CXADR: variants seen among roughly 807,000 people sequenced by gnomAD.
CXADR encodes CXADR cell adhesion molecule.
Under a neutral mutation model 40.3 loss-of-function variants are expected in CXADR, and 20 were observed. That is an observed-to-expected ratio of 0.50 (90% CI 0.35 to 0.72). CXADR has a LOEUF of 0.72. Among genes scored for constraint, CXADR ranks in the 30% least tolerant of loss-of-function variants. The pLI is 0.01. For missense variants in CXADR, 332 were observed against 449.1 expected, an observed-to-expected ratio of 0.74 and a Z score of 2.36; for synonymous variants, 150 against 161.3, an observed-to-expected ratio of 0.93 and a Z score of 0.53.
At chr21:17,518,859 C>CA in intron 1 of CXADR, 1 of 1,561,154 alleles carries the variant, frequency 6.4e-7, no homozygotes, top group Non-Finnish European at 8.8e-7. Context: ...TATTCACAGC[C>CA]AGTTTTTTTA....
intron 7 of CXADR, among the ~76,000 whole-genome samples, chr21:17,587,649 T>C (rs1474437772): frequency 1.3e-5 from 2 of 152,168 alleles, no homozygotes; most frequent in Non-Finnish European, 2.9e-5. Flanking sequence ...CTTTGTCAGG[T>C]GAGTAGGTTG....
chr21:17,595,293 A>C (rs2061490110), downstream of CXADR, among the ~76,000 whole-genome samples: 2 of 152,194 alleles, frequency 1.3e-5, no homozygotes, highest in Admixed American at 1.3e-4. Flanking sequence ...TGCATTTCTA[A>C]GTATAGGATT....
chr21:17,588,440 G>A (rs1373773313), intron 7 of CXADR, among the ~76,000 whole-genome samples: 1 of 152,096 alleles, frequency 6.6e-6, no homozygotes, highest in Non-Finnish European at 1.5e-5. Flanking sequence ...TCCTTGAAGA[G>A]GTCCTTCACA....
chr21:17,608,202 C>CA, the CXADR span, among the ~76,000 whole-genome samples: 22 of 151,308 alleles, frequency 1.5e-4, no homozygotes, highest in South Asian at 3.3e-3. Flanking sequence ...CCCATCTATA[C>CA]AAAAAAAAAT....
chr21:17,586,020 T>G (rs1002940476), intron 7 of CXADR, among the ~76,000 whole-genome samples: 2 of 152,204 alleles, frequency 1.3e-5, no homozygotes, highest in African/African-American at 4.8e-5. Flanking sequence ...GATTATTCTT[T>G]GCGAATATAG....
At chr21:17,599,803 A>C in the CXADR span, among the ~76,000 whole-genome samples, 1 of 152,192 alleles carries the variant, frequency 6.6e-6, no homozygotes, top group Non-Finnish European at 1.5e-5. Context: ...TAAATGTAAC[A>C]TATATGCTAG....
chr21:17,594,181 C>T (rs747776589), downstream of CXADR: 16 of 1,613,156 alleles, frequency 9.9e-6, no homozygotes, highest in Admixed American at 1.7e-5. Context: ...TGGAATTGGG[C>T]GATATGGTTT....
intron 4 of CXADR, 81 bp from the exon 5 acceptor site, chr21:17,560,621 T>C (rs936104009): frequency 5.0e-6 from 7 of 1,393,418 alleles, no homozygotes; most frequent in Non-Finnish European, 6.0e-6. Context: ...TTGTTTAATT[T>C]GGAGAGGACT....
At chr21:17,608,653 G>T in the CXADR span, 1 of 261,126 alleles carries the variant, frequency 3.8e-6, no homozygotes. Context: ...GTGTTATTAG[G>T]GGTCCTCTAG....
chr21:17,569,442 A>G lies in CXADR; in HGVS notation c.*3750A>G. ...GTAAATGTTCTGGGCAAGTTTTAAT[A>G]TTTTGAATGCCTTTGGATATTCCAG... On this transcript the variant is annotated 3_prime_UTR_variant, in exon 7 of 7. Coordinates refer to ENST00000284878, the MANE Select transcript of CXADR (RefSeq NM_001338.5). 1 of 985,134 alleles carries G rather than the reference A, an allele frequency of 1.0e-6. No individual in the cohort carries two copies. Among genetic ancestry groups the G allele is most frequent in the Non-Finnish European group, 1.2e-6 (1 of 829,882 alleles). 61.0% of individuals were successfully genotyped at this position (985,134 alleles called of 1,614,324 possible). A position where few individuals can be genotyped will look rare whatever the true frequency, so the allele number is the denominator to read the frequency against.
At chr21:17,603,533 T>C in the CXADR span, among the ~76,000 whole-genome samples, 1 of 152,204 alleles carries the variant, frequency 6.6e-6, no homozygotes, top group Non-Finnish European at 1.5e-5. Flanking sequence ...CCTTCATTGC[T>C]GGAATCAGGT....
At chr21:17,596,794 GAT>G (rs1455301684), downstream of CXADR, among the ~76,000 whole-genome samples, 1 of 152,000 alleles carries the variant, frequency 6.6e-6, no homozygotes, top group African/African-American at 2.4e-5. Flanking sequence ...GATGTTCATT[GAT>G]ACTGAATTGG....
the CXADR span, among the ~76,000 whole-genome samples, chr21:17,600,477 A>G: frequency 6.6e-6 from 1 of 152,190 alleles, no homozygotes; most frequent in Non-Finnish European, 1.5e-5. Context: ...TCTGAATCAG[A>G]ATGGTTATCT....
chr21:17,517,554 C>A (rs1600938390), intron 1 of CXADR, among the ~76,000 whole-genome samples: 2 of 152,142 alleles, frequency 1.3e-5, no homozygotes, highest in African/African-American at 4.8e-5. Flanking sequence ...GAAAAAGAGG[C>A]ATTTTTGTAC....
intron 7 of CXADR, among the ~76,000 whole-genome samples, chr21:17,579,528 C>G (rs1352953961): frequency 1.3e-5 from 2 of 152,208 alleles, no homozygotes; most frequent in East Asian, 3.9e-4. Context: ...TCGTGATCTG[C>G]CTGCCTTGGC....
chr21:17,578,559 G>A (rs2061337717), intron 7 of CXADR, among the ~76,000 whole-genome samples: 1 of 152,202 alleles, frequency 6.6e-6, no homozygotes, highest in African/African-American at 2.4e-5. Context: ...AAGCAGGGCT[G>A]GGCTCAATGG....
At chr21:17,540,270 A>G (rs944321808) in intron 1 of CXADR, among the ~76,000 whole-genome samples, 1 of 152,178 alleles carries the variant, frequency 6.6e-6, no homozygotes, top group African/African-American at 2.4e-5. Context: ...CAGGGATTCA[A>G]CATATGAATT....
At chr21:17,561,554 C>T (rs183522625) in intron 6 of CXADR, 78 bp downstream of exon 6, 2 of 1,239,834 alleles carry the variant, frequency 1.6e-6, no homozygotes, top group African/African-American at 1.5e-5. Flanking sequence ...CTCTTATTAA[C>T]CACCCAAAGC....
chr21:17,592,736 C>G (rs1198229927), intron 7 of CXADR, among the ~76,000 whole-genome samples: 1 of 151,642 alleles, frequency 6.6e-6, no homozygotes, highest in Non-Finnish European at 1.5e-5. Context: ...AATAGGCAGT[C>G]ACTAGATTTC....
Sources: allele counts gnomAD v4.1 joint callset (sites outside exome capture counted in the v4.1 genomes callset), GRCh38; gene constraint gnomAD v4.1.1; transcripts MANE v1.5; gene names NCBI Gene and HGNC (gene_info 2026-07-23, HGNC 2026-07-21).